SPECC1: variants seen among roughly 807,000 people sequenced by gnomAD.
SPECC1 encodes the protein sperm antigen with calponin homology and coiled-coil domains 1, also known as cytospin-B.
A neutral mutation model predicts 104.1 loss-of-function variants in SPECC1; 62 were observed. The observed-to-expected ratio is 0.60, with a 90% CI of 0.49 to 0.74. The LOEUF is 0.74. SPECC1 is among the 30% of genes least tolerant of loss of function. The pLI is 0.00. For missense variants in SPECC1, 1,306 were observed against 1,310.5 expected (o/e 1.00, Z 0.05); for synonymous variants, 513 against 501.6 (o/e 1.02, Z -0.30).
At chr17:20,108,216 A>T (rs1330474522) in intron 2 of SPECC1, among the ~76,000 whole-genome samples, 1 of 151,648 alleles carries the variant, frequency 6.6e-6, no homozygotes, top group African/African-American at 2.4e-5. Flanking sequence ...GTAAAGTTTT[A>T]AAAATTACAA....
At chr17:20,229,323 C>T (rs2038427535) in intron 5 of SPECC1, among the ~76,000 whole-genome samples, 2 of 152,124 alleles carry the variant, frequency 1.3e-5, no homozygotes, top group Admixed American at 6.5e-5. Flanking sequence ...TTCATGCAGA[C>T]GCAAGCTCTT....
chr17:20,080,989 A>C (rs1425580940), intron 1 of SPECC1, among the ~76,000 whole-genome samples: 1 of 152,014 alleles, frequency 6.6e-6, no homozygotes, highest in Non-Finnish European at 1.5e-5. Flanking sequence ...TTCCTGCCCC[A>C]GTATGCCTCC....
At chr17:20,188,416 C>T (rs1014578457) in intron 3 of SPECC1, among the ~76,000 whole-genome samples, 17 of 152,058 alleles carry the variant, frequency 1.1e-4, no homozygotes, top group Admixed American at 9.2e-4. Flanking sequence ...CACCACCACG[C>T]CTGGCTAATT....
intron 12 of SPECC1, among the ~76,000 whole-genome samples, chr17:20,265,377 T>C (rs1410606709): frequency 6.6e-6 from 1 of 152,254 alleles, no homozygotes; most frequent in African/African-American, 2.4e-5. Context: ...TGAGCGTGTT[T>C]TCATGTTTAT....
intron 3 of SPECC1, among the ~76,000 whole-genome samples, chr17:20,122,532 GCATTAAGTTCATTCA>G (rs1240139809): frequency 2.0e-5 from 3 of 152,182 alleles, no homozygotes; most frequent in Non-Finnish European, 4.4e-5. Flanking sequence ...CAGTTCAGCG[GCATTAAGTTCATTCA>G]CATTGTTGTA....
At chr17:20,238,307 A>AGAGTGATACATGATTT in intron 7 of SPECC1, 1 of 1,040,246 alleles carries the variant, frequency 9.6e-7, no homozygotes, top group East Asian at 5.8e-5. Context: ...TGTTCAAATC[A>AGAGTGATACATGATTT]GAGTGATACA....
At chr17:20,228,735 T>G (rs1056046189) in intron 5 of SPECC1, among the ~76,000 whole-genome samples, 2 of 152,226 alleles carry the variant, frequency 1.3e-5, no homozygotes, top group African/African-American at 4.8e-5. Flanking sequence ...AGCATATGGC[T>G]TATTTATGAA....
intron 12 of SPECC1, 148 bp from the exon 13 acceptor site, chr17:20,296,813 G>T: frequency 4.6e-6 from 3 of 648,874 alleles, no homozygotes; most frequent in South Asian, 2.0e-5. Flanking sequence ...CGTGAATTCG[G>T]CTCTCTGTCT....
intron 7 of SPECC1, among the ~76,000 whole-genome samples, chr17:20,240,617 T>G (rs1322845063): frequency 1.3e-5 from 2 of 152,176 alleles, no homozygotes; most frequent in Non-Finnish European, 2.9e-5. Context: ...TTTCTCCCAC[T>G]GGGTAGCACT....
Position 20,270,622 on chromosome 17 carries a change from G to GA in SPECC1, c.2940+10328_2940+10329insA, listed in dbSNP as rs1182850543. On this transcript the variant is annotated intron_variant, in intron 12 of 14. Coordinates refer to ENST00000395527, the MANE Select transcript of SPECC1 (RefSeq NM_001243439.2). ...CAACAGAGAGAGACCCTGTCTCTGGGGAAAAAAAAAAAAAGTGTGCCATGA... is the reference window on the plus strand; with the variant it reads ...CAACAGAGAGAGACCCTGTCTCTGGGAGAAAAAAAAAAAAAGTGTGCCATGA... Among the ~76,000 whole-genome samples, 417 of 143,394 alleles carry GA rather than the reference G, an allele frequency of 2.9e-3. 4 individuals are homozygous for GA. The highest frequency in any genetic ancestry group is 7.1e-3 in the African/African-American group (273 of 38,406). 94.1% of individuals were successfully genotyped at this position (143,394 alleles called of 152,430 possible).
intron 1 of SPECC1, among the ~76,000 whole-genome samples, chr17:20,083,522 C>T (rs1470652880): frequency 2.0e-5 from 3 of 152,164 alleles, no homozygotes; most frequent in African/African-American, 7.2e-5. Flanking sequence ...TAGCATAGTG[C>T]ATTTGAAATA....
chr17:20,268,698 A>T lies in SPECC1; in HGVS notation c.2940+8404A>T, dbSNP rs193135133. ...TTCTGACACAGTGGTCTGTGAAGAC[A>T]TTTTCAGTGGCACAGGTGTTGTCCT... On this transcript the variant is annotated intron_variant, in intron 12 of 14. Coordinates refer to ENST00000395527, the MANE Select transcript of SPECC1 (RefSeq NM_001243439.2). Among the ~76,000 whole-genome samples, 21 of 152,270 alleles carry T rather than the reference A, an allele frequency of 1.4e-4. 1 individual carries two copies. Among genetic ancestry groups the T allele is most frequent in the Admixed American group, 1.1e-3 (17 of 15,300 alleles).
chr17:20,128,687 G>C (rs975987855), intron 3 of SPECC1, among the ~76,000 whole-genome samples: 1 of 151,824 alleles, frequency 6.6e-6, no homozygotes, highest in Non-Finnish European at 1.5e-5. Context: ...TGAATTTTGT[G>C]TGGTGAATTT....
At chr17:20,246,705 A>T (rs757495) in intron 8 of SPECC1, among the ~76,000 whole-genome samples, 1 of 152,086 alleles carries the variant, frequency 6.6e-6, no homozygotes, top group African/African-American at 2.4e-5. Context: ...CATAGCAAAT[A>T]GAAGAAACAG....
chr17:20,142,276 A>T (rs1353700042), intron 3 of SPECC1, among the ~76,000 whole-genome samples: 1 of 152,210 alleles, frequency 6.6e-6, no homozygotes, highest in Non-Finnish European at 1.5e-5. Context: ...GTAATACCTT[A>T]AAAAGAAAAG....
intron 3 of SPECC1, among the ~76,000 whole-genome samples, chr17:20,203,583 T>C (rs1315962968): frequency 2.0e-5 from 3 of 152,244 alleles, no homozygotes; most frequent in Admixed American, 2.0e-4. Context: ...AAAAGTGATA[T>C]GTCATTGTAT....
chr17:20,155,093 A>G (rs2032343961), intron 3 of SPECC1, among the ~76,000 whole-genome samples: 1 of 152,202 alleles, frequency 6.6e-6, no homozygotes. Flanking sequence ...TTGGTAAATC[A>G]AAGACCAAGA....
intron 5 of SPECC1, among the ~76,000 whole-genome samples, chr17:20,229,515 AAAAT>A (rs910585095): frequency 1.3e-5 from 2 of 152,064 alleles, no homozygotes; most frequent in African/African-American, 4.8e-5. Flanking sequence ...AAAATAAAAT[AAAAT>A]AAAAACTAGC....
At chr17:20,013,594 C>T (rs924501711) in intron 1 of SPECC1, among the ~76,000 whole-genome samples, 5 of 152,282 alleles carry the variant, frequency 3.3e-5, no homozygotes, top group African/African-American at 9.6e-5. Context: ...CTCCGGCTTT[C>T]GGGTTCAAAC....
Sources: allele counts gnomAD v4.1 joint callset (sites outside exome capture counted in the v4.1 genomes callset), GRCh38; gene constraint gnomAD v4.1.1; transcripts MANE v1.5; gene names NCBI Gene and HGNC (gene_info 2026-07-23, HGNC 2026-07-21).